The following TFDP2 variants were observed in gnomAD, a reference collection of about 807,000 sequenced individuals.
The protein encoded by TFDP2 is transcription factor Dp-2 (E2F dimerization partner 2).
TFDP2 carries 17 observed loss-of-function variants against 59.3 expected under a neutral mutation model. The ratio of observed to expected loss-of-function variants is 0.29; its 90% CI spans 0.20 to 0.43. The LOEUF is 0.43. Among genes scored for constraint, TFDP2 ranks in the 20% least tolerant of loss-of-function variants. The probability of loss-of-function intolerance (pLI) is 1.00; values close to 1 mark genes in which losing one functional copy is unlikely to be tolerated. For missense variants in TFDP2, 391 were observed against 528.8 expected (o/e 0.74, Z 2.56); for synonymous variants, 180 against 194.7 (o/e 0.92, Z 0.63).
intron 9 of TFDP2, among the ~76,000 whole-genome samples, chr3:141,965,721 A>C (rs1339594724): frequency 6.6e-6 from 1 of 152,024 alleles, no homozygotes; most frequent in Non-Finnish European, 1.5e-5. Context: ...CACAAAAAAT[A>C]ATGAACACCA....
rs189455036 is a variant in TFDP2, at chr3:142,017,930, C to T, written c.83-12386G>A. Among the ~76,000 whole-genome samples, 215 of 138,550 alleles carry T rather than the reference C, an allele frequency of 1.6e-3. 1 individual carries two copies. The highest frequency in any genetic ancestry group is 8.0e-3 in the Middle Eastern group (2 of 250). 90.9% of individuals were successfully genotyped at this position (138,550 alleles called of 152,430 possible). ...TTCCATATCTGTAGATGTAGTGTTGCCTCAATATTTTATTTATTTATTTAT... is the reference window on the plus strand; with the variant it reads ...TTCCATATCTGTAGATGTAGTGTTGTCTCAATATTTTATTTATTTATTTAT... On this transcript the variant is annotated intron_variant, in intron 3 of 12. Coordinates refer to ENST00000489671, the MANE Select transcript of TFDP2 (RefSeq NM_001178139.2).
intron 2 of TFDP2, chr3:142,093,814 T>C: frequency 4.0e-6 from 1 of 251,910 alleles, no homozygotes; most frequent in Non-Finnish European, 8.4e-6. Context: ...CTTGGTCAAG[T>C]CATGCATTTC....
chr3:141,968,124 G>A (rs923079864), intron 9 of TFDP2, among the ~76,000 whole-genome samples: 11 of 150,754 alleles, frequency 7.3e-5, no homozygotes, highest in Non-Finnish European at 1.2e-4. Context: ...GGCAGCACAG[G>A]AGTTCAAGGA....
chr3:142,146,002 C>T (rs1233873524), intron 1 of TFDP2, among the ~76,000 whole-genome samples: 6 of 152,090 alleles, frequency 3.9e-5, no homozygotes, highest in Non-Finnish European at 8.8e-5. Context: ...TTTTTTATCA[C>T]CTTTAAGAGA....
At chr3:142,079,403 A>G (rs1279208874) in intron 3 of TFDP2, among the ~76,000 whole-genome samples, 8 of 152,182 alleles carry the variant, frequency 5.3e-5, no homozygotes, top group African/African-American at 1.9e-4. Flanking sequence ...GCCTCCAAAA[A>G]AGCAAATCTA....
chr3:142,012,755 G>T (rs1944820690), intron 3 of TFDP2, among the ~76,000 whole-genome samples: 1 of 152,130 alleles, frequency 6.6e-6, no homozygotes, highest in African/African-American at 2.4e-5. Context: ...GGTTAGCACT[G>T]ATGAGTAGCA....
At chr3:141,991,934 C>T (rs754981244) in intron 6 of TFDP2, among the ~76,000 whole-genome samples, 6 of 151,328 alleles carry the variant, frequency 4.0e-5, no homozygotes, top group Non-Finnish European at 8.8e-5. Flanking sequence ...CCCAGCTACT[C>T]TGGAGGCTAA....
chr3:141,993,362 C>T (rs960498290), intron 6 of TFDP2, among the ~76,000 whole-genome samples, 176 bp downstream of exon 6: 9 of 152,070 alleles, frequency 5.9e-5, no homozygotes, highest in African/African-American at 2.2e-4. Context: ...CTACTGAAAC[C>T]ATACAGATAC....
chr3:142,136,541 T>G (rs148144765), intron 1 of TFDP2, among the ~76,000 whole-genome samples: 12,678 of 152,114 alleles, frequency 0.083, 695 homozygotes, highest in Middle Eastern at 0.14. Context: ...TTCTAGGGTT[T>G]TTATGGTTTT....
chr3:142,101,640 T>C (rs955567649), intron 2 of TFDP2, 95 bp downstream of exon 2: 3 of 789,690 alleles, frequency 3.8e-6, no homozygotes, highest in Non-Finnish European at 5.6e-6. Flanking sequence ...TGCAAGTAAA[T>C]TAAATCTGGT....
chr3:142,135,783 A>T (rs1048940579), intron 1 of TFDP2, among the ~76,000 whole-genome samples: 2 of 151,924 alleles, frequency 1.3e-5, no homozygotes, highest in African/African-American at 2.4e-5. Flanking sequence ...ATGTGCCACA[A>T]TTTCTTAATC....
At chr3:142,001,431 C>T (rs949114139) in intron 4 of TFDP2, among the ~76,000 whole-genome samples, 14 of 152,308 alleles carry the variant, frequency 9.2e-5, no homozygotes, top group Admixed American at 9.2e-4. Context: ...ATAGTTCTGT[C>T]CCCCATGCCT....
intron 9 of TFDP2, among the ~76,000 whole-genome samples, chr3:141,967,286 A>C (rs1238585942): frequency 1.3e-5 from 2 of 150,178 alleles, no homozygotes; most frequent in Non-Finnish European, 3.0e-5. Flanking sequence ...AGGAGGAAAT[A>C]AGTTTTTTGT....
At chr3:142,044,428 G>A (rs896902274) in intron 3 of TFDP2, among the ~76,000 whole-genome samples, 2 of 151,986 alleles carry the variant, frequency 1.3e-5, no homozygotes, top group Non-Finnish European at 2.9e-5. Flanking sequence ...TAGAGATGGG[G>A]TTTCATCATG....
intron 3 of TFDP2, among the ~76,000 whole-genome samples, chr3:142,080,033 G>A (rs534000967): frequency 3.7e-4 from 56 of 152,170 alleles, no homozygotes; most frequent in African/African-American, 1.2e-3. Flanking sequence ...GCACGATCTC[G>A]GCTCACTGCA....
chr3:142,138,228 T>C (rs936289927), intron 1 of TFDP2, among the ~76,000 whole-genome samples: 30 of 152,340 alleles, frequency 2.0e-4, no homozygotes, highest in African/African-American at 7.2e-4. Flanking sequence ...ATATCCCCTT[T>C]ATCATTTTTT....
chr3:142,027,507 A>ACTCCCG lies in TFDP2; in HGVS notation c.83-21969_83-21964dup, dbSNP rs1479484967. ...CTCTCCCTCTCCCTCTCCCTCTCCC[A>ACTCCCG]CTCCCGCTCCCCACCCACACTAAGT... is the stretch of plus-strand genomic sequence containing the variant. On this transcript the variant is annotated intron_variant, in intron 3 of 12. Transcript: ENST00000489671. Among the ~76,000 whole-genome samples the ACTCCCG allele has an allele frequency of 6.8e-5, 10 of 146,392 alleles. No individual in the cohort carries two copies. The East Asian group carries it at 1.2e-3, about 17-fold the overall frequency.
intron 2 of TFDP2, among the ~76,000 whole-genome samples, chr3:142,096,137 AC>A (rs2061155980): frequency 6.6e-6 from 1 of 152,166 alleles, no homozygotes; most frequent in Non-Finnish European, 1.5e-5. Context: ...AACAAATTGT[AC>A]TCCAAAAAGA....
intron 4 of TFDP2, among the ~76,000 whole-genome samples, chr3:141,996,896 C>T (rs1476067228): frequency 3.3e-5 from 5 of 152,194 alleles, no homozygotes; most frequent in African/African-American, 1.2e-4. Context: ...GTTAATAATA[C>T]TGACAGATGT....
Sources: allele counts gnomAD v4.1 joint callset (sites outside exome capture counted in the v4.1 genomes callset), GRCh38; gene constraint gnomAD v4.1.1; transcripts MANE v1.5; gene names NCBI Gene and HGNC (gene_info 2026-07-23, HGNC 2026-07-21).